TAF5: variants seen among roughly 807,000 people sequenced by gnomAD.
TAF5 encodes transcription initiation factor TFIID subunit 5.
TAF5 carries 20 observed loss-of-function variants against 80.9 expected under a neutral mutation model. The ratio of observed to expected loss-of-function variants is 0.25; its 90% CI spans 0.17 to 0.36. The LOEUF is 0.36. TAF5 is among the 10% of genes least tolerant of loss of function. The pLI, the probability that TAF5 is intolerant of heterozygous loss-of-function variation, is 1.00. For missense variants in TAF5, 863 were observed against 1,029.4 expected (o/e 0.84, Z 2.21); for synonymous variants, 388 against 406.4 (o/e 0.95, Z 0.55).
intron 8 of TAF5, among the ~76,000 whole-genome samples, 157 bp downstream of exon 8, chr10:103,385,647 G>A (rs577472124): frequency 5.3e-5 from 8 of 152,140 alleles, no homozygotes; most frequent in African/African-American, 1.4e-4. Flanking sequence ...AATTGGGGCC[G>A]GGCGCAGTGG....
intron 1 of TAF5, among the ~76,000 whole-genome samples, chr10:103,371,005 C>A (rs1300334780): frequency 6.6e-6 from 1 of 152,068 alleles, no homozygotes; most frequent in Non-Finnish European, 1.5e-5. Flanking sequence ...CTTTGGGAGG[C>A]CAAGGCGGGT....
rs774115472 is a variant in TAF5, at chr10:103,373,435, A to T, written c.637A>T (p.Met213Leu). Residue 213 changes from methionine (M) to leucine (L), a missense_variant, in exon 2 of 11, where the codon ATG becomes TTG. By Grantham distance (15) the Met-to-Leu change is conservative. This residue lies in a region of TAF5 where 367 missense variants were observed against 335.5 expected (regional missense o/e 1.09). Transcript: ENST00000369839. Reference sequence around the variant, plus strand: ...CTACAACCAACAAGGAGATCCCACAATGTATGAAGAATACTATAGTGGACT... The same window carrying T: ...CTACAACCAACAAGGAGATCCCACATTGTATGAAGAATACTATAGTGGACT... The part of the protein sequence containing the change: ...SAYNQQGDPT[M>L]YEEYYSGLKH... The T allele has an allele frequency of 6.2e-7, 1 of 1,614,190 alleles. No individual in the cohort carries two copies. The highest frequency in any genetic ancestry group is 1.7e-5 in the Admixed American group (1 of 60,012).
At chr10:103,385,252 C>A in intron 7 of TAF5, 74 bp from the exon 8 acceptor site, 1 of 1,187,696 alleles carries the variant, frequency 8.4e-7, no homozygotes, top group Admixed American at 2.2e-5. Flanking sequence ...TAAATGTATT[C>A]AAATGTATAT....
intron 8 of TAF5, 82 bp downstream of exon 8, chr10:103,385,572 TCATTTA>T: frequency 7.1e-7 from 1 of 1,412,074 alleles, no homozygotes. Flanking sequence ...CCAGCCAAAT[TCATTTA>T]CACTTCCATT....
At chr10:103,368,962 T>G (rs2093352534) in intron 1 of TAF5, among the ~76,000 whole-genome samples, 1 of 150,856 alleles carries the variant, frequency 6.6e-6, no homozygotes, top group Non-Finnish European at 1.5e-5. Flanking sequence ...TTAAAAGATG[T>G]GTTGATAAAT....
chr10:103,380,068 A>G (rs970653785), intron 5 of TAF5, 49 bp downstream of exon 5: 7 of 1,567,090 alleles, frequency 4.5e-6, no homozygotes, highest in Non-Finnish European at 6.1e-6. Flanking sequence ...ATGTAGGATG[A>G]TGATTTACCA....
intron 5 of TAF5, among the ~76,000 whole-genome samples, chr10:103,381,195 C>T (rs1056119313): frequency 2.2e-4 from 34 of 151,296 alleles, no homozygotes; most frequent in African/African-American, 6.1e-4. Flanking sequence ...GCAATCCACC[C>T]GCCTCAGCCT....
chr10:103,373,417 C>A lies in TAF5; in HGVS notation c.619C>A (p.Gln207Lys). Residue 207 changes from glutamine to lysine, a missense_variant, in exon 2 of 11, where the codon CAA (glutamine) becomes AAA (lysine). By Grantham distance (53) the Gln-to-Lys change is moderately conservative. Transcript: ENST00000369839. ...CAGTGCCGTGTTGTCAGCCTACAAC[C>A]AACAAGGAGATCCCACAATGTATGA... ...DVSAVLSAYNQQGDPTMYEEY... is the reference protein window; with the variant it reads ...DVSAVLSAYNKQGDPTMYEEY... 6.2e-7 allele frequency: 1 copy of A among 1,614,126 alleles called. No individual in the cohort carries two copies. The highest frequency in any genetic ancestry group is 8.5e-7 in the Non-Finnish European group (1 of 1,180,028).
At chr10:103,383,140 T>G (rs1592094978) in intron 6 of TAF5, 98 bp from the exon 7 acceptor site, 1 of 1,203,120 alleles carries the variant, frequency 8.3e-7, no homozygotes, top group African/African-American at 1.6e-5. Flanking sequence ...TAGGAGGAAA[T>G]TTTCAAATGT....
In TAF5 at chr10:103,374,927, G is replaced by A. The variant is rs2093367213; in HGVS notation, c.797+1332G>A. Among the ~76,000 whole-genome samples the A allele has an allele frequency of 6.6e-6, 1 of 151,982 alleles. No homozygotes were observed. The highest frequency in any genetic ancestry group is 6.6e-5 in the Admixed American group (1 of 15,236). On this transcript the variant is annotated intron_variant, in intron 2 of 10. Coordinates refer to ENST00000369839, the MANE Select transcript of TAF5 (RefSeq NM_006951.5). The surrounding 1 kb of genome is among the most constrained non-coding windows in gnomAD (Gnocchi z 4.3). Reference sequence around the variant, plus strand: ...GATCACTTTGACCTCAGGAGTTTGAGACCAGCCTGGTGAGACCTAGTCTCT... The same window carrying A: ...GATCACTTTGACCTCAGGAGTTTGAAACCAGCCTGGTGAGACCTAGTCTCT...
Position 103,368,236 on chromosome 10 carries a change from G to C in TAF5, c.247G>C (p.Ala83Pro). Residue 83 changes from alanine to proline, a missense_variant, in exon 1 of 11, where the codon GCC becomes CCC. Ala to Pro is a conservative substitution (Grantham distance 27). This residue lies in a region of TAF5 where 367 missense variants were observed against 335.5 expected (regional missense o/e 1.09). Coordinates refer to ENST00000369839, the MANE Select transcript of TAF5 (RefSeq NM_006951.5). ...AAPAGAAPVPAAAPDAGAPHD... is the reference protein window; with the variant it reads ...AAPAGAAPVPPAAPDAGAPHD... ...CCCGGCGGGGGCGGCCCCGGTGCCC[G>C]CCGCTGCTCCGGACGCCGGCGCTCC... The C allele has an allele frequency of 1.4e-6, 2 of 1,457,862 alleles. No homozygotes were observed. The highest frequency in any genetic ancestry group is 1.3e-5 in the South Asian group (1 of 75,936). The allele number at this position is 1,457,862 out of a possible 1,614,324, so 90.3% of individuals were successfully genotyped here.
At chr10:103,368,699 G>C (rs2133619916) in intron 1 of TAF5, 151 bp downstream of exon 1, 3 of 1,092,820 alleles carry the variant, frequency 2.7e-6, no homozygotes, top group South Asian at 4.1e-5. Context: ...TCTAGTGCGC[G>C]GGCTGCGCAG....
At chr10:103,381,643 G>A in intron 5 of TAF5, 78 bp from the exon 6 acceptor site, 1 of 1,468,812 alleles carries the variant, frequency 6.8e-7, no homozygotes, top group South Asian at 1.2e-5. Context: ...TTAGTATAGT[G>A]TGAAAATGAT....
At chr10:103,373,709 G>A (rs903116085) in intron 2 of TAF5, 114 bp downstream of exon 2, 25 of 797,172 alleles carry the variant, frequency 3.1e-5, no homozygotes, top group East Asian at 2.2e-4. Flanking sequence ...TAAAAAGTAC[G>A]TTGTGAAGGA....
At chr10:103,375,119 C>CAAAAAAAA (rs914374305) in intron 2 of TAF5, among the ~76,000 whole-genome samples, 9 of 80,618 alleles carry the variant, frequency 1.1e-4, no homozygotes, top group Non-Finnish European at 1.4e-4. Flanking sequence ...GACCCTGTCT[C>CAAAAAAAA]AAAAAAAAAA....
Position 103,368,184 on chromosome 10 carries a change from G to A in TAF5, c.195G>A (p.Lys65=), listed in dbSNP as rs2093349575. The change falls in exon 1 of 11, where the codon AAG becomes AAA. Residue 65 remains lysine (K), a synonymous_variant. Transcript: ENST00000369839. ...SSTGGDGGTP[K]PTVAVSAAAP... ...CTGGCGGGGATGGCGGGACCCCCAAGCCCACGGTGGCTGTCTCCGCCGCTG... is the reference window on the plus strand; with the variant it reads ...CTGGCGGGGATGGCGGGACCCCCAAACCCACGGTGGCTGTCTCCGCCGCTG... 1.4e-6 allele frequency: 2 copies of A among 1,392,634 alleles called. No homozygotes were observed. Among genetic ancestry groups the A allele is most frequent in the South Asian group, 1.6e-5 (1 of 63,684 alleles). The allele number at this position is 1,392,634 out of a possible 1,614,324, so 86.3% of individuals were successfully genotyped here. A position where few individuals can be genotyped will look rare whatever the true frequency, so the allele number is the denominator to read the frequency against.
intron 1 of TAF5, 82 bp downstream of exon 1, chr10:103,368,630 C>T (rs909645586): frequency 3.7e-5 from 51 of 1,388,444 alleles, no homozygotes; most frequent in Non-Finnish European, 3.9e-5. Flanking sequence ...GCCTGCACCT[C>T]TGCGGGCTTG....
Position 103,388,188 on chromosome 10 carries a change from C to A in TAF5, c.2368C>A (p.Leu790Met). 1.2e-6 allele frequency: 2 copies of A among 1,613,952 alleles called. No individual in the cohort carries two copies. Among genetic ancestry groups the A allele is most frequent in the South Asian group, 1.1e-5 (1 of 91,072 alleles). ...VVHLHFTRRN[L>M]VLAAGAYSPQ is the part of the protein sequence containing the mutation. ...ACACCTTCATTTTACTCGAAGAAACCTGGTTCTAGCTGCAGGAGCTTATAG... is the reference window on the plus strand; with the variant it reads ...ACACCTTCATTTTACTCGAAGAAACATGGTTCTAGCTGCAGGAGCTTATAG... The change falls in exon 11 of 11, where the codon CTG (leucine) becomes ATG (methionine). Residue 790 changes from leucine (L) to methionine (M), a missense_variant. By Grantham distance (15) the Leu-to-Met change is conservative. This residue lies in a region of TAF5 where 368 missense variants were observed against 461.7 expected (regional missense o/e 0.80). Coordinates refer to ENST00000369839, the MANE Select transcript of TAF5 (RefSeq NM_006951.5).
intron 5 of TAF5, among the ~76,000 whole-genome samples, chr10:103,381,501 AG>A (rs1165436974): frequency 6.6e-6 from 1 of 152,144 alleles, no homozygotes; most frequent in African/African-American, 2.4e-5. Context: ...TCCTAACCTC[AG>A]GTGATCCACC....
Sources: gnomAD v4.1 joint callset for allele counts (sites outside exome capture counted in the v4.1 genomes callset) on GRCh38, gnomAD v4.1.1 for gene constraint, gnomAD v4.1.1 regional missense constraint, Gnocchi (gnomAD v3.1) non-coding constraint, MANE v1.5 for transcripts, NCBI Gene and HGNC (gene_info 2026-07-23, HGNC 2026-07-21) for gene names.